Variants in NPC1L1 observed in about 807,000 individuals in gnomAD.
NPC1L1 encodes the protein NPC1-like intracellular cholesterol transporter 1.
In NPC1L1, 98 loss-of-function variants were observed where a neutral mutation model predicts 117.0. That is an observed-to-expected ratio of 0.84 (90% CI 0.71 to 0.99). The LOEUF (loss-of-function observed/expected upper bound fraction) is 0.99. NPC1L1 is among the 50% of genes least tolerant of loss of function. The pLI is 0.00. For synonymous variants in NPC1L1, 729 were observed against 727.6 expected, an observed-to-expected ratio of 1.00 and a Z score of -0.03; for missense variants, 1,540 against 1,710.0, an observed-to-expected ratio of 0.90 and a Z score of 1.75.
At chr7:44,523,317 A>G (rs187569141) in intron 10 of NPC1L1, among the ~76,000 whole-genome samples, 159 of 152,172 alleles carry the variant, frequency 1.0e-3, no homozygotes, top group Non-Finnish European at 1.8e-3. Context: ...CGGCCTCCCA[A>G]ATGGCTGGGA....
At position 44,531,795 on chromosome 7, in the gene NPC1L1, T is replaced by C. The variant is rs898233422; in HGVS notation, c.2597A>G (p.His866Arg). 5.0e-6 allele frequency: 8 copies of C among 1,589,780 alleles called. No individual in the cohort carries two copies. The highest frequency in any genetic ancestry group is 6.8e-6 in the Non-Finnish European group (8 of 1,168,472). The part of the protein sequence containing the change: ...LFGVSLYSMC[H>R]ISVGLDQELA... ...CTCCTGGTCCAGTCCCACGCTGATG[T>C]GGCACATGGAGTAGAGGCTCACTCC... Residue 866 changes from histidine to arginine, a missense_variant, in exon 10 of 19, where the codon CAC becomes CGC. Coordinates refer to ENST00000381160, the MANE Select transcript of NPC1L1 (RefSeq NM_001101648.2).
In NPC1L1 at chr7:44,512,640, T is replaced by C. The variant is rs1468149419; in HGVS notation, c.*807A>G. 1 of 152,530 alleles carries C rather than the reference T, an allele frequency of 6.6e-6. No homozygotes were observed. The highest frequency in any genetic ancestry group is 2.4e-5 in the African/African-American group (1 of 41,468). 9.4% of individuals were successfully genotyped at this position (152,530 alleles called of 1,614,324 possible). On this transcript the variant is annotated 3_prime_UTR_variant, in exon 19 of 19. Coordinates refer to ENST00000381160, the MANE Select transcript of NPC1L1 (RefSeq NM_001101648.2). ...CTGGAGAGCTGTCCAAAAGCTCGGG[T>C]TGGGCTGGTTTGAGGCCTGGGATCC... is the stretch of plus-strand genomic sequence containing the variant.
chr7:44,521,613 G>A (rs559169312), intron 12 of NPC1L1, 99 bp downstream of exon 12: 437 of 1,566,506 alleles, frequency 2.8e-4, no homozygotes, highest in Non-Finnish European at 3.5e-4. Context: ...TGCAGGATGC[G>A]TGGGAGAGGT....
rs1218982981 is a variant in NPC1L1, at chr7:44,541,324, A to T, written c.-65T>A. ...CCTCAGGAACAGCCAAGGGCTGAAC[A>T]CACATTAAGGCAGCCTCCTCCCCTT... On this transcript the variant is annotated 5_prime_UTR_variant, in exon 1 of 19. An upstream open reading frame in the 5' UTR gains an earlier in-frame stop. Coordinates refer to ENST00000381160, the MANE Select transcript of NPC1L1 (RefSeq NM_001101648.2). The T allele has an allele frequency of 6.7e-7, 1 of 1,486,072 alleles. No individual in the cohort carries two copies. Among genetic ancestry groups the T allele is most frequent in the Non-Finnish European group, 9.1e-7 (1 of 1,093,810 alleles). The allele number at this position is 1,486,072 out of a possible 1,614,324, so 92.1% of individuals were successfully genotyped here.
At chr7:44,514,513 A>G (rs994637073) in intron 18 of NPC1L1, among the ~76,000 whole-genome samples, 1 of 151,690 alleles carries the variant, frequency 6.6e-6, no homozygotes, top group African/African-American at 2.4e-5. Context: ...CAATAAAAAT[A>G]CAAAAATTAG....
At position 44,538,664 on chromosome 7, in the gene NPC1L1, A is replaced by G. The variant is rs1801973155; in HGVS notation, c.1580+153T>C. 1.3e-5 allele frequency among the ~76,000 whole-genome samples: 2 copies of G among 152,196 alleles called. No individual in the cohort carries two copies. Among genetic ancestry groups the G allele is most frequent in the South Asian group, 4.1e-4 (2 of 4,834 alleles). On this transcript the variant is annotated intron_variant, in intron 2 of 18. Transcript: ENST00000381160. This position sits in a 1 kb window ranked among gnomAD's most constrained non-coding sequence, Gnocchi z 5.9. ...AATGGCGGCCGGACGAGGGGCAGAGATAATCATCTGGGCGGCCCCAGGCCA... is the reference window on the plus strand; with the variant it reads ...AATGGCGGCCGGACGAGGGGCAGAGGTAATCATCTGGGCGGCCCCAGGCCA...
chr7:44,517,063 A>T (rs1228433002), intron 15 of NPC1L1, 129 bp from the exon 16 acceptor site: 44 of 1,435,110 alleles, frequency 3.1e-5, no homozygotes, highest in Non-Finnish European at 3.6e-5. Context: ...CCAGCCTAAG[A>T]AATAGGCCCA....
Position 44,536,058 on chromosome 7 carries a change from G to A in NPC1L1, c.1855-90C>T. 1.2e-6 allele frequency: 2 copies of A among 1,601,702 alleles called. No individual in the cohort carries two copies. The highest frequency in any genetic ancestry group is 1.7e-6 in the Non-Finnish European group (2 of 1,171,934). ...AGCTCGGTCACTGGGCACTAATTGT[G>A]TGTTGTGTCATAGGGCCTGATGGCC... On this transcript the variant is annotated intron_variant, in intron 4 of 18. Transcript: ENST00000381160. This position sits in a 1 kb window ranked among gnomAD's most constrained non-coding sequence, Gnocchi z 4.7.
rs778176475 is a variant in NPC1L1 at position 44,539,172 on chromosome 7, G to T, written c.1225C>A (p.Gln409Lys). 1.2e-6 allele frequency: 2 copies of T among 1,614,008 alleles called. No individual in the cohort carries two copies. Among genetic ancestry groups the T allele is most frequent in the Non-Finnish European group, 1.7e-6 (2 of 1,180,038 alleles). ...CGGTTAGGAGCCGTCAGGATCACCT[G>T]GTTGGTTCGGAAGAAGGGGCCGAAA... ...QHFGPFFRTN[Q>K]VILTAPNRSS... Residue 409 changes from glutamine (Q) to lysine (K), a missense_variant, in exon 2 of 19, where the codon CAG (glutamine) becomes AAG (lysine). By Grantham distance (53) the Gln-to-Lys change is moderately conservative. Transcript: ENST00000381160. The surrounding 1 kb of genome is among the most constrained non-coding windows in gnomAD (Gnocchi z 4.4).
chr7:44,527,914 T>C (rs945322876), intron 10 of NPC1L1, among the ~76,000 whole-genome samples: 16 of 152,104 alleles, frequency 1.1e-4, no homozygotes, highest in African/African-American at 3.6e-4. Flanking sequence ...AACCTCTACC[T>C]CCTAGATTCA....
intron 10 of NPC1L1, among the ~76,000 whole-genome samples, chr7:44,523,709 A>T (rs1034619270): frequency 6.6e-6 from 1 of 152,170 alleles, no homozygotes; most frequent in Admixed American, 6.5e-5. Flanking sequence ...ACAAAAAAAA[A>T]TACAAAAGTT....
At chr7:44,516,580 T>G in intron 16 of NPC1L1, 123 bp downstream of exon 16, 1 of 847,542 alleles carries the variant, frequency 1.2e-6, no homozygotes, top group Non-Finnish European at 1.9e-6. Flanking sequence ...CCCTCAAGCC[T>G]GAGCAACAGA....
chr7:44,528,611 T>G (rs150253944), intron 10 of NPC1L1, among the ~76,000 whole-genome samples: 44 of 152,234 alleles, frequency 2.9e-4, no homozygotes, highest in African/African-American at 1.1e-3. Context: ...AATGTAAAAT[T>G]TCACTAGTAG....
intron 9 of NPC1L1, 88 bp from the exon 10 acceptor site, chr7:44,531,932 G>A: frequency 6.6e-7 from 1 of 1,520,360 alleles, no homozygotes; most frequent in Non-Finnish European, 9.0e-7. Flanking sequence ...GGTGTCATGG[G>A]CAACATTCTG....
At chr7:44,526,171 C>T (rs1027692620) in intron 10 of NPC1L1, among the ~76,000 whole-genome samples, 2 of 151,424 alleles carry the variant, frequency 1.3e-5, no homozygotes, top group Non-Finnish European at 2.9e-5. Flanking sequence ...GTCTCAAAAA[C>T]AAACAACAAC....
At chr7:44,533,264 T>C (rs1801757589) in intron 8 of NPC1L1, 167 bp downstream of exon 8, 2 of 747,660 alleles carry the variant, frequency 2.7e-6, no homozygotes, top group Non-Finnish European at 4.3e-6. Flanking sequence ...TTTATTTTTC[T>C]GTAGGAAATT....
At chr7:44,514,081 C>T (rs1801117122) in intron 18 of NPC1L1, among the ~76,000 whole-genome samples, 1 of 152,202 alleles carries the variant, frequency 6.6e-6, no homozygotes, top group Non-Finnish European at 1.5e-5. Context: ...TAACCTGGGG[C>T]AGGTGTCTCA....
At chr7:44,524,775 G>A (rs986573193) in intron 10 of NPC1L1, among the ~76,000 whole-genome samples, 1 of 151,586 alleles carries the variant, frequency 6.6e-6, no homozygotes, top group African/African-American at 2.4e-5. Flanking sequence ...TAAAATAAAT[G>A]AATAAAACAA....
chr7:44,536,814 G>A lies in NPC1L1; in HGVS notation c.1681+28C>T, dbSNP rs1280641385. The A allele has an allele frequency of 6.3e-7, 1 of 1,578,172 alleles. No homozygotes were observed. Among genetic ancestry groups the A allele is most frequent in the South Asian group, 1.1e-5 (1 of 90,396 alleles). ...CTGCCCCAATACTGCATCTTCCTTG[G>A]CTTCCTCTCAGGGCCCACTTAGCTT... On this transcript the variant is annotated intron_variant, in intron 3 of 18. Coordinates refer to ENST00000381160, the MANE Select transcript of NPC1L1 (RefSeq NM_001101648.2). This position sits in a 1 kb window ranked among gnomAD's most constrained non-coding sequence, Gnocchi z 4.7.
Sources: gnomAD v4.1 joint callset for allele counts (sites outside exome capture counted in the v4.1 genomes callset) on GRCh38, gnomAD v4.1.1 for gene constraint, Gnocchi (gnomAD v3.1) non-coding constraint, MANE v1.5 for transcripts, NCBI Gene and HGNC (gene_info 2026-07-23, HGNC 2026-07-21) for gene names.